The following HIPK2 variants were observed in gnomAD, a reference collection of about 807,000 sequenced individuals.
HIPK2 encodes homeodomain-interacting protein kinase 2.
A neutral mutation model predicts 113.7 loss-of-function variants in HIPK2; 27 were observed. That is an observed-to-expected ratio of 0.24 (90% CI 0.17 to 0.33). The LOEUF (loss-of-function observed/expected upper bound fraction) is 0.33. Ranked by LOEUF, HIPK2 falls within the 10% of genes least tolerant of loss-of-function variation. The probability of loss-of-function intolerance (pLI) is 1.00; values close to 1 mark genes in which losing one functional copy is unlikely to be tolerated. For synonymous variants in HIPK2, 631 were observed against 642.2 expected, an observed-to-expected ratio of 0.98 and a Z score of 0.26; for missense variants, 1,257 against 1,588.0, an observed-to-expected ratio of 0.79 and a Z score of 3.54.
chr7:139,775,946 A>T (rs1796734422), intron 1 of HIPK2, among the ~76,000 whole-genome samples: 1 of 152,196 alleles, frequency 6.6e-6, no homozygotes. Flanking sequence ...TTCAATGCCA[A>T]GTTCCTTCTC....
At chr7:139,682,235 T>A (rs753746882) in intron 2 of HIPK2, among the ~76,000 whole-genome samples, 18 of 152,180 alleles carry the variant, frequency 1.2e-4, no homozygotes, top group Non-Finnish European at 2.4e-4. Context: ...TCCAGCCTCA[T>A]CATCCACCAC....
At chr7:139,681,375 CTTT>C (rs1354104180) in intron 2 of HIPK2, among the ~76,000 whole-genome samples, 2 of 152,138 alleles carry the variant, frequency 1.3e-5, no homozygotes, top group African/African-American at 4.8e-5. Flanking sequence ...TCTAAATGGT[CTTT>C]ATTAGCGGAT....
At chr7:139,617,953 C>T (rs896268683) in intron 7 of HIPK2, among the ~76,000 whole-genome samples, 1 of 152,362 alleles carries the variant, frequency 6.6e-6, no homozygotes, top group East Asian at 1.9e-4. Flanking sequence ...AAAGAGCAGA[C>T]ATCACCTAGG....
At chr7:139,684,122 G>A (rs898385857) in intron 2 of HIPK2, among the ~76,000 whole-genome samples, 2 of 152,120 alleles carry the variant, frequency 1.3e-5, no homozygotes, top group African/African-American at 4.8e-5. Flanking sequence ...CTGTTATGGT[G>A]ACCTGTGATT....
chr7:139,694,052 C>T (rs1221652518), intron 2 of HIPK2, among the ~76,000 whole-genome samples: 1 of 152,136 alleles, frequency 6.6e-6, no homozygotes, highest in East Asian at 1.9e-4. Context: ...CAGAAATATA[C>T]TTTTTTTCCT....
chr7:139,679,311 C>T (rs536861670), intron 2 of HIPK2, among the ~76,000 whole-genome samples: 8 of 152,242 alleles, frequency 5.3e-5, no homozygotes, highest in Admixed American at 3.3e-4. Flanking sequence ...GAAGCCTTCA[C>T]GGCCTAATCA....
chr7:139,573,342 T>G lies in HIPK2; in HGVS notation c.3182A>C (p.Tyr1061Ser). ...AGCCTGGGCCATGGTGGGAGTGATG[T>G]AGGCCTGCTGCCTTCGGTGGCTCCC... ...RTGSHRRQQA[Y>S]ITPTMAQAPY... Residue 1061 changes from tyrosine (Y) to serine (S), a missense_variant, in exon 15 of 15, where the codon TAC (tyrosine) becomes TCC (serine). By Grantham distance (144) the Tyr-to-Ser change is moderately radical. Around this residue, in one of 5 missense-constraint regions of HIPK2, gnomAD observed 862 missense variants for 1,004.3 expected, o/e 0.86. Transcript: ENST00000406875. The G allele has an allele frequency of 6.2e-7, 1 of 1,605,738 alleles. No individual in the cohort carries two copies. The highest frequency in any genetic ancestry group is 1.1e-5 in the South Asian group (1 of 91,034).
chr7:139,622,103 G>A (rs982152142), intron 6 of HIPK2, among the ~76,000 whole-genome samples: 2 of 151,986 alleles, frequency 1.3e-5, no homozygotes, highest in Non-Finnish European at 2.9e-5. Flanking sequence ...GCTATCTTTG[G>A]GGCTAAGCAG....
intron 1 of HIPK2, among the ~76,000 whole-genome samples, chr7:139,727,837 G>A (rs140278721): frequency 1.2e-4 from 18 of 151,918 alleles, no homozygotes; most frequent in African/African-American, 3.6e-4. Flanking sequence ...AGACACAAAC[G>A]CTTTTTCAGC....
intron 2 of HIPK2, among the ~76,000 whole-genome samples, chr7:139,693,475 G>A (rs1038036284): frequency 1.3e-5 from 2 of 152,150 alleles, no homozygotes; most frequent in Non-Finnish European, 2.9e-5. Flanking sequence ...CGTGTGTCTG[G>A]GGGTCAGACA....
chr7:139,721,333 A>G (rs1795402264), intron 1 of HIPK2, among the ~76,000 whole-genome samples: 1 of 152,244 alleles, frequency 6.6e-6, no homozygotes, highest in Non-Finnish European at 1.5e-5. Flanking sequence ...TAATCTTAAA[A>G]TAATCTTATG....
intron 2 of HIPK2, among the ~76,000 whole-genome samples, chr7:139,677,113 G>C (rs747782644): frequency 1.3e-5 from 2 of 151,734 alleles, no homozygotes; most frequent in African/African-American, 2.4e-5. Flanking sequence ...CACCCACCTC[G>C]GCCTTCCAAA....
chr7:139,649,121 C>A (rs1801358633), intron 2 of HIPK2, among the ~76,000 whole-genome samples: 1 of 152,180 alleles, frequency 6.6e-6, no homozygotes, highest in Non-Finnish European at 1.5e-5. Flanking sequence ...AGGTGACTTG[C>A]CCGCTGCAGC....
At position 139,563,917 on chromosome 7, in the gene HIPK2, A is replaced by G; in HGVS notation, c.*9010T>C. Reference sequence around the variant, plus strand: ...GGTGGCACAAGAGAAAACATAAAAGAAACCAAGACTCAGGGAAACTGCCAT... The same window carrying G: ...GGTGGCACAAGAGAAAACATAAAAGGAACCAAGACTCAGGGAAACTGCCAT... On this transcript the variant is annotated 3_prime_UTR_variant, in exon 15 of 15. Transcript: ENST00000406875. The G allele has an allele frequency of 2.5e-6, 1 of 398,654 alleles. No homozygotes were observed. The highest frequency in any genetic ancestry group is 4.4e-6 in the Non-Finnish European group (1 of 226,072). The allele number at this position is 398,654 out of a possible 1,614,324, so 24.7% of individuals were successfully genotyped here. A position where few individuals can be genotyped will look rare whatever the true frequency, so the allele number is the denominator to read the frequency against.
At chr7:139,715,825 G>A (rs1309408300) in intron 2 of HIPK2, 107 bp downstream of exon 2, 2 of 1,428,884 alleles carry the variant, frequency 1.4e-6, no homozygotes, top group Non-Finnish European at 1.9e-6. Flanking sequence ...TTGAAGGCAG[G>A]AACTGTAGAC....
intron 2 of HIPK2, among the ~76,000 whole-genome samples, chr7:139,673,919 A>T (rs896823907): frequency 1.5e-5 from 2 of 130,092 alleles, no homozygotes; most frequent in South Asian, 2.6e-4. Context: ...AAAAAAAAAA[A>T]TTAGCTAGGC....
chr7:139,585,157 T>C lies in HIPK2; in HGVS notation c.2718-1093A>G, dbSNP rs528215538. On this transcript the variant is annotated intron_variant, in intron 12 of 14. Transcript: ENST00000406875. ...AGGCAACTGGTCAGTTTCCAGCTAA[T>C]TGGATGAGAGAAGCAGCTGGTATTT... Among the ~76,000 whole-genome samples the C allele has an allele frequency of 4.9e-4, 75 of 152,340 alleles. 1 individual carries two copies. The highest frequency in any genetic ancestry group is 1.7e-3 in the African/African-American group (71 of 41,594).
chr7:139,764,576 A>G (rs10262775), intron 1 of HIPK2, among the ~76,000 whole-genome samples: 55,235 of 152,068 alleles, frequency 0.36, 14,016 homozygotes, highest in African/African-American at 0.72. Flanking sequence ...GTTTCCTTTG[A>G]ATGTGTTAAG....
At position 139,717,001 on chromosome 7, in the gene HIPK2, C is replaced by T. The variant is rs1569480099; in HGVS notation, c.34G>A (p.Val12Met). ...AGGGTGTGAGGGGAGAAAACTTGCACATGTGAGGCCATACCTACAAGGAAA... is the reference window on the plus strand; with the variant it reads ...AGGGTGTGAGGGGAGAAAACTTGCATATGTGAGGCCATACCTACAAGGAAA... ...APVYEGMASHVQVFSPHTLQS... is the reference protein window; with the variant it reads ...APVYEGMASHMQVFSPHTLQS... Residue 12 changes from valine (V) to methionine (M), a missense_variant, in exon 2 of 15, where the codon GTG (valine) becomes ATG (methionine). Physicochemically the swap from Val to Met is conservative, Grantham distance 21 (BLOSUM62 1). Transcript: ENST00000406875. The T allele has an allele frequency of 2.5e-6, 4 of 1,608,992 alleles. No individual in the cohort carries two copies. The highest frequency in any genetic ancestry group is 3.4e-6 in the Non-Finnish European group (4 of 1,175,738).
Sources: gnomAD v4.1 joint callset for allele counts (sites outside exome capture counted in the v4.1 genomes callset) on GRCh38, gnomAD v4.1.1 for gene constraint, gnomAD v4.1.1 regional missense constraint, MANE v1.5 for transcripts, NCBI Gene and HGNC (gene_info 2026-07-23, HGNC 2026-07-21) for gene names.